The following ORMDL1 variants were observed in gnomAD, a reference collection of about 807,000 sequenced individuals.
ORMDL1 encodes ORMDL sphingolipid biosynthesis regulator 1.
Under a neutral mutation model 13.0 loss-of-function variants are expected in ORMDL1, and 10 were observed. The ratio of observed to expected loss-of-function variants is 0.77; its 90% CI spans 0.47 to 1.30. The LOEUF is 1.30. ORMDL1 is among the 50% of genes most tolerant of loss of function. The pLI is 0.00. For synonymous variants in ORMDL1, 61 were observed against 63.9 expected (o/e 0.95, Z 0.22); for missense variants, 171 against 186.7 (o/e 0.92, Z 0.49).
At position 189,782,018 on chromosome 2, in the gene ORMDL1, T is replaced by C. The variant is rs538604237; in HGVS notation, c.174+404A>G. Among the ~76,000 whole-genome samples the C allele has an allele frequency of 3.3e-5, 5 of 151,962 alleles. No homozygotes were observed. In the East Asian group the frequency reaches 7.8e-4, roughly 24 times the overall value. ...AGTACAGTGGAATGATCTCGGCTCA[T>C]TGCAACCTCTGCCTCCCAGGTTCAA... is the stretch of plus-strand genomic sequence containing the variant. On this transcript the variant is annotated intron_variant, in intron 3 of 4. Transcript: ENST00000392349.
intron 4 of ORMDL1, among the ~76,000 whole-genome samples, chr2:189,772,988 C>A (rs2047612418): frequency 6.6e-6 from 1 of 152,158 alleles, no homozygotes; most frequent in Non-Finnish European, 1.5e-5. Flanking sequence ...TTCTGAAATT[C>A]TTTCTTCCTG....
chr2:189,779,861 C>T (rs984240613), intron 3 of ORMDL1, among the ~76,000 whole-genome samples: 4 of 152,300 alleles, frequency 2.6e-5, no homozygotes, highest in African/African-American at 9.6e-5. Flanking sequence ...AGAAGTTATC[C>T]TAAGACTTAG....
intron 4 of ORMDL1, 166 bp downstream of exon 4, chr2:189,775,399 A>T (rs912318622): frequency 4.4e-6 from 3 of 676,622 alleles, no homozygotes; most frequent in Non-Finnish European, 7.1e-6. Context: ...AAATTAGTTT[A>T]TTATCAACTT....
Position 189,775,717 on chromosome 2 carries a change from C to G in ORMDL1, c.175-1G>C. ...CTGCATGCAAAAATACGTACATCCCCTGGAAAACAAGCAAGGGGTTATAAA... is the reference window on the plus strand; with the variant it reads ...CTGCATGCAAAAATACGTACATCCCGTGGAAAACAAGCAAGGGGTTATAAA... On this transcript the variant is annotated splice_acceptor_variant, in intron 3 of 4. Transcript: ENST00000392349. LOFTEE classifies it high-confidence loss of function. The G allele has an allele frequency of 6.2e-7, 1 of 1,611,260 alleles. No individual in the cohort carries two copies. The highest frequency in any genetic ancestry group is 8.5e-7 in the Non-Finnish European group (1 of 1,179,112).
At chr2:189,766,438 A>G (rs879695971), downstream of ORMDL1, among the ~76,000 whole-genome samples, 3 of 152,064 alleles carry the variant, frequency 2.0e-5, no homozygotes, top group South Asian at 2.1e-4. Flanking sequence ...ATTAAACAAT[A>G]AGCTCCCAGC....
chr2:189,772,730 A>C (rs2047606081), intron 4 of ORMDL1, among the ~76,000 whole-genome samples: 1 of 152,236 alleles, frequency 6.6e-6, no homozygotes, highest in South Asian at 2.1e-4. Context: ...GTTTCTATTT[A>C]GGTCTTTGCA....
At chr2:189,779,630 G>T (rs1384372238) in intron 3 of ORMDL1, among the ~76,000 whole-genome samples, 1 of 152,140 alleles carries the variant, frequency 6.6e-6, no homozygotes, top group Non-Finnish European at 1.5e-5. Flanking sequence ...TGACTGCAAT[G>T]GATGATCACT....
chr2:189,768,242 T>G (rs1256863438), downstream of ORMDL1, among the ~76,000 whole-genome samples: 1 of 152,202 alleles, frequency 6.6e-6, no homozygotes, highest in African/African-American at 2.4e-5. Context: ...CCTAGATAGG[T>G]CTTTTCAGTA....
chr2:189,778,377 A>G, intron 3 of ORMDL1: 1 of 454,128 alleles, frequency 2.2e-6, no homozygotes, highest in South Asian at 1.6e-5. Context: ...CCTGGGTGAC[A>G]GAGTGAAACT....
intron 4 of ORMDL1, among the ~76,000 whole-genome samples, chr2:189,773,254 A>C (rs988285077): frequency 2.0e-5 from 3 of 152,212 alleles, no homozygotes; most frequent in African/African-American, 7.2e-5. Flanking sequence ...AAACTTAGGC[A>C]ATCCTCTGAT....
chr2:189,770,812 C>A lies in ORMDL1; in HGVS notation c.*955G>T, dbSNP rs1348380996. The stretch of plus-strand genomic sequence containing the variant: ...AGAAAATGTTATCTTTTACTGCAGA[C>A]CTGCCAAAAAAAAGACTCCATTACT... On this transcript the variant is annotated 3_prime_UTR_variant, in exon 5 of 5. Transcript: ENST00000392349. 1 of 152,000 alleles carries A rather than the reference C, an allele frequency of 6.6e-6. No individual in the cohort carries two copies. The highest frequency in any genetic ancestry group is 2.1e-4 in the South Asian group (1 of 4,822). 9.4% of individuals were successfully genotyped at this position (152,000 alleles called of 1,614,324 possible).
intron 4 of ORMDL1, among the ~76,000 whole-genome samples, chr2:189,772,764 A>G (rs1207599374): frequency 6.6e-6 from 1 of 152,240 alleles, no homozygotes; most frequent in Non-Finnish European, 1.5e-5. Flanking sequence ...GTATTCTAAT[A>G]GCCTTTACTG....
At chr2:189,772,751 A>G (rs879897457) in intron 4 of ORMDL1, among the ~76,000 whole-genome samples, 1 of 152,244 alleles carries the variant, frequency 6.6e-6, no homozygotes, top group East Asian at 1.9e-4. Flanking sequence ...GTACGCAAGG[A>G]AAGTATTCTA....
chr2:189,783,472 A>T (rs1238232330), intron 1 of ORMDL1: 1 of 152,178 alleles, frequency 6.6e-6, no homozygotes, highest in Non-Finnish European at 1.5e-5. Flanking sequence ...AAAATACACA[A>T]ACGCTTGTAT....
intron 1 of ORMDL1, chr2:189,783,645 T>C (rs2106164747): frequency 6.6e-6 from 1 of 152,348 alleles, no homozygotes; most frequent in African/African-American, 2.4e-5. Flanking sequence ...AATTTATATG[T>C]GTAAATCTTT....
At chr2:189,782,031 C>T (rs1256398816) in intron 3 of ORMDL1, among the ~76,000 whole-genome samples, 1 of 151,510 alleles carries the variant, frequency 6.6e-6, no homozygotes, top group Non-Finnish European at 1.5e-5. Flanking sequence ...CAACCTCTGC[C>T]TCCCAGGTTC....
At chr2:189,779,907 G>A (rs1040129042) in intron 3 of ORMDL1, among the ~76,000 whole-genome samples, 2 of 152,192 alleles carry the variant, frequency 1.3e-5, no homozygotes, top group African/African-American at 4.8e-5. Flanking sequence ...CGATGGTTCT[G>A]ATTATACCTA....
chr2:189,772,613 TATATC>T (rs1252037293), intron 4 of ORMDL1, among the ~76,000 whole-genome samples: 3 of 152,220 alleles, frequency 2.0e-5, no homozygotes, highest in African/African-American at 7.2e-5. Flanking sequence ...TACCTACAGG[TATATC>T]ATATCAAGGT....
intron 4 of ORMDL1, chr2:189,774,817 C>T (rs551719733): frequency 2.6e-5 from 4 of 152,240 alleles, no homozygotes; most frequent in Admixed American, 6.5e-5. Context: ...AATAGGACTA[C>T]ACATGAAATA....
Sources: allele counts gnomAD v4.1 joint callset (sites outside exome capture counted in the v4.1 genomes callset), GRCh38; gene constraint gnomAD v4.1.1; transcripts MANE v1.5; gene names NCBI Gene and HGNC (gene_info 2026-07-23, HGNC 2026-07-21).